Variants in HK1 observed in about 807,000 individuals in gnomAD.
HK1 encodes hexokinase 1.
HK1 carries 28 observed loss-of-function variants against 91.6 expected under a neutral mutation model. That is an observed-to-expected ratio of 0.31 (90% CI 0.23 to 0.42). The LOEUF is 0.42. Ranked by LOEUF, HK1 falls within the 10% of genes least tolerant of loss-of-function variation. The pLI is 1.00. For synonymous variants in HK1, 430 were observed against 468.1 expected, an observed-to-expected ratio of 0.92 and a Z score of 1.05; for missense variants, 770 against 1,219.8, an observed-to-expected ratio of 0.63 and a Z score of 5.49.
chr10:69,394,273 G>A (rs553308179), intron 15 of HK1, among the ~76,000 whole-genome samples: 39 of 152,334 alleles, frequency 2.6e-4, no homozygotes, highest in African/African-American at 9.1e-4. Context: ...GTGTGTTGTG[G>A]TCACTGAATT....
intron 1 of HK1, among the ~76,000 whole-genome samples, chr10:69,273,417 C>T (rs955020080): frequency 3.3e-5 from 5 of 152,130 alleles, no homozygotes; most frequent in Admixed American, 6.5e-5. Flanking sequence ...GGAGTTTCAC[C>T]GTGTCAGCCA....
chr10:69,386,419 G>A lies in HK1; in HGVS notation c.1935+1G>A. On this transcript the variant is annotated splice_donor_variant, in intron 13 of 17. Transcript: ENST00000359426. LOFTEE classifies it high-confidence loss of function. ...AAGGGATGCGATAAAAAGGAGAGAG[G>A]TAACTATTAAAAGAATGTTTTTTAA... 1 of 1,602,618 alleles carries A rather than the reference G, an allele frequency of 6.2e-7. No individual in the cohort carries two copies. Among genetic ancestry groups the A allele is most frequent in the Non-Finnish European group, 8.6e-7 (1 of 1,169,586 alleles).
chr10:69,368,712 T>C (rs1849832937), intron 5 of HK1, 81 bp downstream of exon 5: 1 of 1,093,268 alleles, frequency 9.1e-7, no homozygotes, highest in Non-Finnish European at 1.4e-6. Context: ...CCAGTGCCCT[T>C]CCTGGGGGGC....
At chr10:69,376,881 G>A (rs899514027) in intron 7 of HK1, 53 bp from the exon 8 acceptor site, 9 of 1,606,530 alleles carry the variant, frequency 5.6e-6, no homozygotes, top group African/African-American at 2.7e-5. Context: ...CCCAGCCCTC[G>A]TGTGTGGGGC....
chr10:69,389,367 G>A (rs1839791876), intron 14 of HK1, 71 bp downstream of exon 14: 2 of 1,128,056 alleles, frequency 1.8e-6, no homozygotes, highest in Non-Finnish European at 2.6e-6. Context: ...TGGGGCCTTG[G>A]CCCAGCAGCT....
At chr10:69,312,199 A>G (rs1488875014), upstream of HK1, among the ~76,000 whole-genome samples, 2 of 152,230 alleles carry the variant, frequency 1.3e-5, no homozygotes, top group Non-Finnish European at 2.9e-5. Flanking sequence ...AAGAAAACAC[A>G]GTGATTACCC....
chr10:69,321,397 C>T (rs1279469389), intron 1 of HK1, among the ~76,000 whole-genome samples: 1 of 152,192 alleles, frequency 6.6e-6, no homozygotes, highest in African/African-American at 2.4e-5. Context: ...GTACCACTCA[C>T]CATAGGAAAG....
At chr10:69,377,886 G>T (rs538332299) in intron 8 of HK1, among the ~76,000 whole-genome samples, 1 of 152,348 alleles carries the variant, frequency 6.6e-6, no homozygotes, top group East Asian at 1.9e-4. Context: ...GATGAGACAG[G>T]ACAGTTAGAA....
chr10:69,357,432 A>C (rs1849187033), intron 2 of HK1, among the ~76,000 whole-genome samples: 1 of 152,188 alleles, frequency 6.6e-6, no homozygotes, highest in Admixed American at 6.5e-5. Flanking sequence ...CAGTCATACA[A>C]GGTCATATAC....
intron 1 of HK1, among the ~76,000 whole-genome samples, chr10:69,321,583 T>C (rs980703277): frequency 3.9e-5 from 6 of 152,052 alleles, no homozygotes; most frequent in African/African-American, 1.4e-4. Context: ...CCTCAGTAAC[T>C]CTCATCTATC....
chr10:69,292,890 G>A (rs927880780), intron 3 of HK1, among the ~76,000 whole-genome samples: 13 of 152,110 alleles, frequency 8.5e-5, no homozygotes, highest in African/African-American at 2.9e-4. Context: ...GTTCTGACTT[G>A]GGGCTCCCCA....
intron 1 of HK1, among the ~76,000 whole-genome samples, chr10:69,324,664 G>A (rs1230459133): frequency 6.6e-6 from 1 of 152,226 alleles, no homozygotes; most frequent in Non-Finnish European, 1.5e-5. Flanking sequence ...ACAGCATGGT[G>A]TGGTCATACC....
At position 69,369,584 on chromosome 10, in the gene HK1, A is replaced by G. The variant is rs756728106; in HGVS notation, c.835A>G (p.Arg279Gly). The change falls in exon 7 of 18, where the codon AGG (arginine) becomes GGG (glycine). Residue 279 changes from arginine to glycine, a missense_variant. Arg to Gly is a moderately radical substitution (Grantham distance 125, BLOSUM62 -2). Transcript: ENST00000359426. The surrounding 1 kb of genome is among the most constrained non-coding windows in gnomAD (Gnocchi z 4.4). ...SLEDIRTEFD[R>G]EIDRGSLNPG... ...AGAAGACATCCGGACAGAGTTTGACAGGGAGATAGACCGGGGATCCCTCAA... is the reference window on the plus strand; with the variant it reads ...AGAAGACATCCGGACAGAGTTTGACGGGGAGATAGACCGGGGATCCCTCAA... 1 of 1,614,240 alleles carries G rather than the reference A, an allele frequency of 6.2e-7. No homozygotes were observed. The highest frequency in any genetic ancestry group is 8.5e-7 in the Non-Finnish European group (1 of 1,180,042).
intron 3 of HK1, among the ~76,000 whole-genome samples, chr10:69,293,748 C>T (rs771567372): frequency 6.6e-6 from 1 of 152,030 alleles, no homozygotes; most frequent in African/African-American, 2.4e-5. Context: ...GGGCCATGTG[C>T]CACACATGTT....
At chr10:69,334,882 C>T (rs930871191) in intron 1 of HK1, among the ~76,000 whole-genome samples, 2 of 152,032 alleles carry the variant, frequency 1.3e-5, no homozygotes, top group Non-Finnish European at 2.9e-5. Flanking sequence ...GAGGAGTGGA[C>T]GGTGTGGGGT....
intron 5 of HK1, among the ~76,000 whole-genome samples, chr10:69,302,896 G>A (rs2132506475): frequency 6.6e-6 from 1 of 152,268 alleles, no homozygotes; most frequent in Non-Finnish European, 1.5e-5. Flanking sequence ...GTTCAAGGAT[G>A]ATGGCAGATT....
In HK1 at chr10:69,296,865, G is replaced by T. The variant is rs372973688; in HGVS notation, c.-67+1185G>T. Among the ~76,000 whole-genome samples, 67 of 152,260 alleles carry T rather than the reference G, an allele frequency of 4.4e-4. No individual in the cohort carries two copies. In the South Asian group the frequency reaches 0.013, roughly 31 times the overall value. On this transcript the variant is annotated intron_variant, in intron 4 of 21. Transcript: ENST00000360289. ...CTGTGATTACATTGTTTTCTGTCTG[G>T]CAGTAGCAAGGAGCTTGAGCTGGAG...
rs954018894 is a variant in HK1, at chr10:69,384,985, C to T, written c.1839+70C>T. 5 of 1,533,844 alleles carry T rather than the reference C, an allele frequency of 3.3e-6. No homozygotes were observed. The Admixed American group carries it at 5.0e-5, about 15-fold the overall frequency. On this transcript the variant is annotated intron_variant, in intron 12 of 17. Coordinates refer to ENST00000359426, the MANE Select transcript of HK1 (RefSeq NM_000188.3). ...CCCCTGTGGCCTGGGTGGGCTGGCC[C>T]TTGAGGCCTTCTCCAGCCTCAGTGT...
Position 69,369,522 on chromosome 10 carries a change from A to G in HK1, c.773A>G (p.Asn258Ser), listed in dbSNP as rs759507713. 2.5e-6 allele frequency: 4 copies of G among 1,614,204 alleles called. No individual in the cohort carries two copies. The highest frequency in any genetic ancestry group is 2.2e-5 in the South Asian group (2 of 91,082). The part of the protein sequence containing the change: ...VEGDEGRMCI[N>S]TEWGAFGDDG... ...GGAGACGAGGGGAGGATGTGTATCA[A>G]TACAGAATGGGGAGCCTTTGGAGAC... is the stretch of plus-strand genomic sequence containing the variant. The change falls in exon 7 of 18, where the codon AAT becomes AGT. Residue 258 changes from asparagine to serine, a missense_variant. By Grantham distance (46) the Asn-to-Ser change is conservative. This residue lies in a region of HK1 where 449 missense variants were observed against 665.1 expected (regional missense o/e 0.68). Coordinates refer to ENST00000359426, the MANE Select transcript of HK1 (RefSeq NM_000188.3). This position sits in a 1 kb window ranked among gnomAD's most constrained non-coding sequence, Gnocchi z 4.4.
Sources: gnomAD v4.1 joint callset for allele counts (sites outside exome capture counted in the v4.1 genomes callset) on GRCh38, gnomAD v4.1.1 for gene constraint, gnomAD v4.1.1 regional missense constraint, Gnocchi (gnomAD v3.1) non-coding constraint, MANE v1.5 for transcripts, NCBI Gene and HGNC (gene_info 2026-07-23, HGNC 2026-07-21) for gene names.